MTG1: variants seen among roughly 807,000 people sequenced by gnomAD.
The protein encoded by MTG1 is mitochondrial ribosome associated GTPase 1, also known as mitochondrial ribosome-associated GTPase 1.
In MTG1, 30 loss-of-function variants were observed where a neutral mutation model predicts 39.5. The observed-to-expected ratio is 0.76, with a 90% CI of 0.57 to 1.03. The LOEUF (loss-of-function observed/expected upper bound fraction) is 1.03, where lower values mean the gene tolerates loss of function less well. MTG1 is among the 50% of genes least tolerant of loss of function. The pLI is 0.00. For missense variants in MTG1, 513 were observed against 447.4 expected, an observed-to-expected ratio of 1.15 and a Z score of -1.32; for synonymous variants, 217 against 179.0, an observed-to-expected ratio of 1.21 and a Z score of -1.69.
rs1250382753 is a variant in MTG1, at chr10:133,402,193, G to A, written c.618G>A (p.Val206=). 6.2e-7 allele frequency: 1 copy of A among 1,614,108 alleles called. No individual in the cohort carries two copies. Among genetic ancestry groups the A allele is most frequent in the South Asian group, 1.1e-5 (1 of 91,084 alleles). ...PLMFLLDTPG[V]LAPRIESVET... ...TGTTCCTGTTGGACACTCCTGGCGT[G>A]CTGGCTCCTCGGATTGAAAGTGTGG... is the stretch of plus-strand genomic sequence containing the variant. Residue 206 remains valine, a synonymous_variant, in exon 8 of 11, where the codon GTG becomes GTA. Coordinates refer to ENST00000317502, the MANE Select transcript of MTG1 (RefSeq NM_138384.4). The surrounding 1 kb of genome is among the most constrained non-coding windows in gnomAD (Gnocchi z 4.7).
chr10:133,397,383 C>G (rs1367042472), intron 3 of MTG1, among the ~76,000 whole-genome samples: 1 of 144,684 alleles, frequency 6.9e-6, no homozygotes, highest in Admixed American at 6.8e-5. Context: ...ATTAGTGCAG[C>G]CAGACATTTG....
Position 133,396,207 on chromosome 10 carries a change from GC to G in MTG1, c.223del (p.Lys76SerfsTer25), listed in dbSNP as rs1354774825. ...RNPLFQETLG[L>X]KPHLLVLNKM... ...ACCCTCTGTTTCAGGAAACCCTTGG[GC>G]TTAAGCCTCACTTGCTGGTCCTCAA... On this transcript the variant is annotated frameshift_variant, in exon 3 of 11. Coordinates refer to ENST00000317502, the MANE Select transcript of MTG1 (RefSeq NM_138384.4). LOFTEE classifies it high-confidence loss of function. 1 of 1,614,074 alleles carries G rather than the reference GC, an allele frequency of 6.2e-7. No homozygotes were observed. The highest frequency in any genetic ancestry group is 8.5e-7 in the Non-Finnish European group (1 of 1,180,050).
At chr10:133,398,406 G>C in intron 3 of MTG1, 29 bp from the exon 4 acceptor site, 2 of 1,605,992 alleles carry the variant, frequency 1.2e-6, no homozygotes, top group South Asian at 1.1e-5. Flanking sequence ...AGTAAAAAAA[G>C]TAACATAGAA....
chr10:133,407,714 G>A (rs1027618598), intron 9 of MTG1, among the ~76,000 whole-genome samples: 2 of 151,970 alleles, frequency 1.3e-5, no homozygotes, highest in Admixed American at 6.6e-5. Flanking sequence ...GATTACAGGC[G>A]TGTGCCACCA....
At chr10:133,400,966 C>T (rs1849865873) in intron 6 of MTG1, among the ~76,000 whole-genome samples, 1 of 152,266 alleles carries the variant, frequency 6.6e-6, no homozygotes, top group Non-Finnish European at 1.5e-5. Flanking sequence ...GTACAGACCA[C>T]ATCCTGTCTT....
chr10:133,416,262 T>G (rs969811540), intron 9 of MTG1, among the ~76,000 whole-genome samples: 1 of 152,186 alleles, frequency 6.6e-6, no homozygotes, highest in Non-Finnish European at 1.5e-5. Context: ...TCAGCTTAGA[T>G]TTAATGTCTT....
At position 133,422,153 on chromosome 10, in the gene MTG1, G is replaced by T. The variant is rs1850253547; in HGVS notation, c.*1988G>T. 2 of 152,686 alleles carry T rather than the reference G, an allele frequency of 1.3e-5. No homozygotes were observed. The highest frequency in any genetic ancestry group is 1.3e-4 in the Admixed American group (2 of 15,296). The allele number at this position is 152,686 out of a possible 1,614,324, so 9.5% of individuals were successfully genotyped here. ...GGGGGGCTCAGCCTCTTGCATGGGT[G>T]TCCTGCTGGGCGCTGGGCCCCGCCA... On this transcript the variant is annotated 3_prime_UTR_variant, in exon 11 of 11. Coordinates refer to ENST00000317502, the MANE Select transcript of MTG1 (RefSeq NM_138384.4).
intron 9 of MTG1, among the ~76,000 whole-genome samples, chr10:133,414,485 G>A (rs1424040222): frequency 3.3e-5 from 5 of 151,868 alleles, no homozygotes; most frequent in Admixed American, 2.0e-4. Flanking sequence ...CTTCCCAGAC[G>A]GGGTGGCTGC....
rs202091698 is a variant in MTG1 at position 133,396,218 on chromosome 10, A to T, written c.233A>T (p.His78Leu). The change falls in exon 3 of 11, where the codon CAC becomes CTC. Residue 78 changes from histidine to leucine, a missense_variant. Physicochemically the swap from His to Leu is moderately conservative, Grantham distance 99. Coordinates refer to ENST00000317502, the MANE Select transcript of MTG1 (RefSeq NM_138384.4). ...LFQETLGLKP[H>L]LLVLNKMDLA... ...CAGGAAACCCTTGGGCTTAAGCCTC[A>T]CTTGCTGGTCCTCAACAAGATGGAC... 1 of 1,614,184 alleles carries T rather than the reference A, an allele frequency of 6.2e-7. No homozygotes were observed. The highest frequency in any genetic ancestry group is 8.5e-7 in the Non-Finnish European group (1 of 1,180,018).
intron 9 of MTG1, among the ~76,000 whole-genome samples, chr10:133,419,082 A>G (rs1057225077): frequency 6.6e-6 from 1 of 152,294 alleles, no homozygotes; most frequent in South Asian, 2.1e-4. Flanking sequence ...ATGTTTGCAG[A>G]TGGTCTGCTG....
chr10:133,398,553 T>G (rs770517976), intron 4 of MTG1, 38 bp downstream of exon 4: 133 of 1,580,106 alleles, frequency 8.4e-5, no homozygotes, highest in Non-Finnish European at 1.1e-4. Context: ...ACGCTTCTGC[T>G]TCAGTAGGTT....
In MTG1 at chr10:133,420,723, T is replaced by G. The variant is rs1471858091; in HGVS notation, c.*558T>G. Reference sequence around the variant, plus strand: ...GCACACACAGACACAGACCAGAGACTCCCAGCAGCAGAGCCCAAGCACTGG... The same window carrying G: ...GCACACACAGACACAGACCAGAGACGCCCAGCAGCAGAGCCCAAGCACTGG... On this transcript the variant is annotated 3_prime_UTR_variant, in exon 11 of 11. Transcript: ENST00000317502. The G allele has an allele frequency of 6.5e-6, 1 of 152,706 alleles. No homozygotes were observed. Among genetic ancestry groups the G allele is most frequent in the Non-Finnish European group, 1.5e-5 (1 of 68,412 alleles). The allele number at this position is 152,706 out of a possible 1,614,324, so 9.5% of individuals were successfully genotyped here.
At chr10:133,419,296 C>G (rs985307942) in intron 9 of MTG1, among the ~76,000 whole-genome samples, 184 bp from the exon 10 acceptor site, 1 of 152,212 alleles carries the variant, frequency 6.6e-6, no homozygotes, top group Non-Finnish European at 1.5e-5. Flanking sequence ...TAGTGGCTCT[C>G]CCCCGGGGCC....
chr10:133,399,489 G>A, intron 5 of MTG1, 40 bp from the exon 6 acceptor site: 3 of 1,594,026 alleles, frequency 1.9e-6, no homozygotes, highest in Non-Finnish European at 1.7e-6. Flanking sequence ...GGCTCTAGCG[G>A]CCACGGTGGG....
At chr10:133,418,870 C>G (rs1277712139) in intron 9 of MTG1, among the ~76,000 whole-genome samples, 1 of 152,226 alleles carries the variant, frequency 6.6e-6, no homozygotes, top group Admixed American at 6.5e-5. Flanking sequence ...CTCCAGGCCT[C>G]TCTGCCCAGA....
chr10:133,417,930 G>A (rs1850158032), intron 9 of MTG1, among the ~76,000 whole-genome samples: 1 of 152,236 alleles, frequency 6.6e-6, no homozygotes, highest in African/African-American at 2.4e-5. Flanking sequence ...AATCAATATT[G>A]TGAAAATGGC....
chr10:133,401,650 C>A, intron 7 of MTG1, 60 bp downstream of exon 7: 1 of 1,532,726 alleles, frequency 6.5e-7, no homozygotes, highest in East Asian at 2.3e-5. Flanking sequence ...CGTCTGGCAC[C>A]TGCCGACCTC....
chr10:133,405,414 C>T (rs1849955591), intron 9 of MTG1, among the ~76,000 whole-genome samples: 2 of 152,170 alleles, frequency 1.3e-5, no homozygotes, highest in African/African-American at 4.8e-5. Context: ...GAATTGCTCT[C>T]TTCTGGTATT....
chr10:133,396,949 C>A (rs1457183767), intron 3 of MTG1, among the ~76,000 whole-genome samples: 3 of 152,168 alleles, frequency 2.0e-5, no homozygotes, highest in Non-Finnish European at 2.9e-5. Flanking sequence ...AAAGCACCCG[C>A]TACTTAGCAG....
Sources: allele counts gnomAD v4.1 joint callset (sites outside exome capture counted in the v4.1 genomes callset), GRCh38; gene constraint gnomAD v4.1.1; non-coding constraint Gnocchi (gnomAD v3.1); transcripts MANE v1.5; gene names NCBI Gene and HGNC (gene_info 2026-07-23, HGNC 2026-07-21).